The following AGFG2 variants were observed in gnomAD, a reference collection of about 807,000 sequenced individuals.
AGFG2 encodes the protein ArfGAP with FG repeats 2, also known as arf-GAP domain and FG repeat-containing protein 2.
In AGFG2, 31 loss-of-function variants were observed where a neutral mutation model predicts 48.0. That is an observed-to-expected ratio of 0.65 (90% CI 0.49 to 0.87). The LOEUF is 0.87. AGFG2 is among the 40% of genes least tolerant of loss of function. The pLI is 0.00. For synonymous variants in AGFG2, 229 were observed against 260.8 expected (o/e 0.88, Z 1.18); for missense variants, 599 against 632.6 (o/e 0.95, Z 0.57).
chr7:100,551,066 A>AT (rs1800631293), intron 3 of AGFG2, among the ~76,000 whole-genome samples: 3 of 69,712 alleles, frequency 4.3e-5, no homozygotes, highest in Admixed American at 1.5e-4. Flanking sequence ...ATATATATAT[A>AT]TTTCTTTTTT....
In AGFG2 at chr7:100,567,717, C is replaced by T. The variant is rs1167555078; in HGVS notation, c.*2726C>T. On this transcript the variant is annotated 3_prime_UTR_variant, in exon 12 of 12. Coordinates refer to ENST00000300176, the MANE Select transcript of AGFG2 (RefSeq NM_006076.5). ...CCCGTGGATTCCCCCAAACCCATAA[C>T]ATTCTTCCATAGGGGCTGAGAACGC... The T allele has an allele frequency of 1.3e-5, 2 of 152,290 alleles. No individual in the cohort carries two copies. The highest frequency in any genetic ancestry group is 2.9e-5 in the Non-Finnish European group (2 of 68,084). The allele number at this position is 152,290 out of a possible 1,614,324, so 9.4% of individuals were successfully genotyped here. A position where few individuals can be genotyped will look rare whatever the true frequency, so the allele number is the denominator to read the frequency against.
At chr7:100,541,244 T>G (rs1800416221) in intron 1 of AGFG2, among the ~76,000 whole-genome samples, 1 of 152,204 alleles carries the variant, frequency 6.6e-6, no homozygotes, top group African/African-American at 2.4e-5. Flanking sequence ...TTGGAATTAT[T>G]TACTTCGTTT....
intron 5 of AGFG2, 26 bp from the exon 6 acceptor site, chr7:100,555,584 A>G (rs201657014): frequency 1.2e-5 from 20 of 1,606,894 alleles, no homozygotes; most frequent in Admixed American, 6.7e-5. Flanking sequence ...TTTTCTATAT[A>G]ACCTTTATGT....
chr7:100,557,006 T>C (rs568855632), intron 6 of AGFG2, among the ~76,000 whole-genome samples: 4 of 152,202 alleles, frequency 2.6e-5, no homozygotes, highest in African/African-American at 9.6e-5. Context: ...GACATAAGCC[T>C]GGCCAACATG....
chr7:100,550,051 G>A, intron 2 of AGFG2, among the ~76,000 whole-genome samples: 1 of 152,152 alleles, frequency 6.6e-6, no homozygotes, highest in African/African-American at 2.4e-5. Context: ...GCTCATGCCT[G>A]TAATCCCAGC....
intron 1 of AGFG2, among the ~76,000 whole-genome samples, chr7:100,548,415 C>T (rs747410937): frequency 2.0e-5 from 3 of 152,040 alleles, no homozygotes; most frequent in Admixed American, 6.6e-5. Context: ...CAGGTTCAAG[C>T]GATACTTGTG....
chr7:100,564,234 C>T lies in AGFG2; in HGVS notation c.1317C>T (p.Asp439=), dbSNP rs761666393. Residue 439 remains aspartate (D), a synonymous_variant, in exon 11 of 12, where the codon GAC becomes GAT. Coordinates refer to ENST00000300176, the MANE Select transcript of AGFG2 (RefSeq NM_006076.5). ...VQQQNGSSFG[D]LGSAKLGQRP... ...GCCCCCTAGGCTCTTCCTTCGGGGA[C>T]TTAGGATCAGCCAAGTTGGGGCAGA... 1.9e-6 allele frequency: 3 copies of T among 1,612,934 alleles called. No homozygotes were observed. Among genetic ancestry groups the T allele is most frequent in the Admixed American group, 1.7e-5 (1 of 59,898 alleles).
chr7:100,559,560 T>C (rs773096453), intron 6 of AGFG2, among the ~76,000 whole-genome samples: 1 of 152,138 alleles, frequency 6.6e-6, no homozygotes, highest in African/African-American at 2.4e-5. Context: ...CTCATGCCTG[T>C]AATCCCATCA....
Position 100,565,135 on chromosome 7 carries a change from AG to A in AGFG2, c.*146del. ...GCTTTGCTTGGGGCCTACAGGTGAA[AG>A]GTGGCTGCCCTCAGATTCCACAAAG... On this transcript the variant is annotated 3_prime_UTR_variant, in exon 12 of 12. Coordinates refer to ENST00000300176, the MANE Select transcript of AGFG2 (RefSeq NM_006076.5). The A allele has an allele frequency of 1.1e-6, 1 of 939,250 alleles. No homozygotes were observed. Among genetic ancestry groups the A allele is most frequent in the East Asian group, 2.4e-5 (1 of 41,430 alleles). 58.2% of individuals were successfully genotyped at this position (939,250 alleles called of 1,614,324 possible).
In AGFG2 at chr7:100,567,600, A is replaced by C. The variant is rs944096564; in HGVS notation, c.*2609A>C. On this transcript the variant is annotated 3_prime_UTR_variant, in exon 12 of 12. Coordinates refer to ENST00000300176, the MANE Select transcript of AGFG2 (RefSeq NM_006076.5). ...GGAGCAGGGCTGAGGGTAGGGGCTG[A>C]ATGTGTGGCTCTGTCCCTGTGTTGC... is the stretch of plus-strand genomic sequence containing the variant. 4 of 152,572 alleles carry C rather than the reference A, an allele frequency of 2.6e-5. No homozygotes were observed. The highest frequency in any genetic ancestry group is 5.9e-5 in the Non-Finnish European group (4 of 68,192). 9.5% of individuals were successfully genotyped at this position (152,572 alleles called of 1,614,324 possible).
At chr7:100,549,671 A>ATTTG (rs1357309164) in intron 2 of AGFG2, among the ~76,000 whole-genome samples, 4 of 150,768 alleles carry the variant, frequency 2.7e-5, no homozygotes, top group African/African-American at 7.4e-5. Context: ...CATGCTCAAT[A>ATTTG]TTTGTTTATT....
intron 1 of AGFG2, among the ~76,000 whole-genome samples, chr7:100,545,931 CATGTA>C (rs1485415160): frequency 1.3e-5 from 2 of 152,176 alleles, no homozygotes; most frequent in Non-Finnish European, 2.9e-5. Flanking sequence ...ACTCATAGGC[CATGTA>C]ACTAGGCCCC....
intron 6 of AGFG2, among the ~76,000 whole-genome samples, chr7:100,558,341 G>A (rs908979380): frequency 2.0e-5 from 3 of 152,134 alleles, no homozygotes; most frequent in Non-Finnish European, 2.9e-5. Context: ...TATTATGTGG[G>A]GGAAAATGAC....
Position 100,562,584 on chromosome 7 carries a change from C to G in AGFG2, c.999-10C>G, listed in dbSNP as rs754060487. ...CAGCTGTGTATGACTTCTCTCTCCCCGTGTTGTAGCCTCTTCGGGATGGCT... is the reference window on the plus strand; with the variant it reads ...CAGCTGTGTATGACTTCTCTCTCCCGGTGTTGTAGCCTCTTCGGGATGGCT... On this transcript the variant is annotated splice_polypyrimidine_tract_variant and intron_variant, in intron 7 of 11. Transcript: ENST00000300176. The surrounding 1 kb of genome is among the most constrained non-coding windows in gnomAD (Gnocchi z 5.4). 6.2e-7 allele frequency: 1 copy of G among 1,613,296 alleles called. No individual in the cohort carries two copies. Among genetic ancestry groups the G allele is most frequent in the Non-Finnish European group, 8.5e-7 (1 of 1,179,910 alleles).
chr7:100,555,773 C>A (rs980249892), intron 6 of AGFG2, 38 bp downstream of exon 6: 1 of 1,609,928 alleles, frequency 6.2e-7, no homozygotes, highest in Non-Finnish European at 8.5e-7. Flanking sequence ...CTCTTCCAAC[C>A]GTGTCCATTT....
intron 6 of AGFG2, 117 bp downstream of exon 6, chr7:100,555,852 A>C: frequency 7.1e-7 from 1 of 1,399,154 alleles, no homozygotes; most frequent in Non-Finnish European, 9.7e-7. Context: ...GCAAAGCACA[A>C]AGAGAAGCAG....
In AGFG2 at chr7:100,562,659, G is replaced by A; in HGVS notation, c.1064G>A (p.Ser355Asn). 1.2e-6 allele frequency: 2 copies of A among 1,609,158 alleles called. No individual in the cohort carries two copies. Among genetic ancestry groups the A allele is most frequent in the South Asian group, 1.1e-5 (1 of 90,988 alleles). The change falls in exon 8 of 12, where the codon AGC becomes AAC. Residue 355 changes from serine (S) to asparagine (N), a missense_variant. Physicochemically the swap from Ser to Asn is conservative, Grantham distance 46. Transcript: ENST00000300176. This position sits in a 1 kb window ranked among gnomAD's most constrained non-coding sequence, Gnocchi z 5.4. ...QSVTMGGGGG[S>N]STGLAFGAFT... Reference sequence around the variant, plus strand: ...GTCACGATGGGCGGCGGCGGCGGCAGCAGCACAGGGCTGGCCTTTGGAGGT... The same window carrying A: ...GTCACGATGGGCGGCGGCGGCGGCAACAGCACAGGGCTGGCCTTTGGAGGT...
chr7:100,557,283 A>C (rs1448837395), intron 6 of AGFG2, among the ~76,000 whole-genome samples: 2 of 152,200 alleles, frequency 1.3e-5, no homozygotes, highest in Non-Finnish European at 2.9e-5. Context: ...CATGAGATTC[A>C]CGAAGCAAAA....
Position 100,562,451 on chromosome 7 carries a change from C to T in AGFG2, c.998+72C>T. The T allele has an allele frequency of 6.2e-7, 1 of 1,603,524 alleles. No individual in the cohort carries two copies. Among genetic ancestry groups the T allele is most frequent in the African/African-American group, 1.3e-5 (1 of 74,870 alleles). On this transcript the variant is annotated intron_variant, in intron 7 of 11. Coordinates refer to ENST00000300176, the MANE Select transcript of AGFG2 (RefSeq NM_006076.5). This position sits in a 1 kb window ranked among gnomAD's most constrained non-coding sequence, Gnocchi z 5.4. ...CGAAGCCTGGCCATGTTCCTCCCAG[C>T]CCCATCGGCATCTCCTGGCAGTTCT...
Sources: gnomAD v4.1 joint callset for allele counts (sites outside exome capture counted in the v4.1 genomes callset) on GRCh38, gnomAD v4.1.1 for gene constraint, Gnocchi (gnomAD v3.1) non-coding constraint, MANE v1.5 for transcripts, NCBI Gene and HGNC (gene_info 2026-07-23, HGNC 2026-07-21) for gene names.